The following KDM4B variants were observed in gnomAD, a reference collection of about 807,000 sequenced individuals.
KDM4B encodes the protein lysine demethylase 4B, also known as lysine-specific demethylase 4B.
In KDM4B, 32 loss-of-function variants were observed where a neutral mutation model predicts 125.2. The ratio of observed to expected loss-of-function variants is 0.26; its 90% CI spans 0.19 to 0.34. The LOEUF is 0.34. KDM4B is among the 10% of genes least tolerant of loss of function. The probability of loss-of-function intolerance (pLI) is 1.00; values close to 1 mark genes in which losing one functional copy is unlikely to be tolerated. For missense variants in KDM4B, 1,190 were observed against 1,577.7 expected, an observed-to-expected ratio of 0.75 and a Z score of 4.16; for synonymous variants, 721 against 677.9, an observed-to-expected ratio of 1.06 and a Z score of -0.99.
At chr19:5,080,518 C>A (rs1161521535) in intron 8 of KDM4B, among the ~76,000 whole-genome samples, 4 of 152,264 alleles carry the variant, frequency 2.6e-5, no homozygotes, top group Non-Finnish European at 5.9e-5. Context: ...GAGACACCGC[C>A]AGCCCCAGGA....
chr19:5,077,119 G>A, intron 7 of KDM4B: 1 of 556,894 alleles, frequency 1.8e-6, no homozygotes, highest in Non-Finnish European at 3.2e-6. Flanking sequence ...AGGCCAGAGG[G>A]TGTCACCACT....
intron 6 of KDM4B, among the ~76,000 whole-genome samples, chr19:5,051,540 G>A (rs1357641043): frequency 6.6e-6 from 1 of 152,252 alleles, no homozygotes; most frequent in Non-Finnish European, 1.5e-5. Flanking sequence ...CGAGGACGTC[G>A]TGAGCTGATG....
rs368128396 is a variant in KDM4B, at chr19:5,137,250, G to A, written c.2309-12G>A. On this transcript the variant is annotated splice_polypyrimidine_tract_variant and intron_variant, in intron 15 of 22. Coordinates refer to ENST00000159111, the MANE Select transcript of KDM4B (RefSeq NM_015015.3). ...GCCCCCCAGATCTCAGCCAGCCCCC[G>A]CTGTCTTCCAGGTTGCTATGGCATC... 1.4e-5 allele frequency: 22 copies of A among 1,559,460 alleles called. No individual in the cohort carries two copies. The highest frequency in any genetic ancestry group is 3.8e-5 in the Admixed American group (2 of 52,178).
At chr19:5,119,434 G>A (rs1000869075) in intron 10 of KDM4B, among the ~76,000 whole-genome samples, 8 of 152,068 alleles carry the variant, frequency 5.3e-5, no homozygotes, top group Non-Finnish European at 7.4e-5. Context: ...CCATTGCCCC[G>A]TCTCCCTTTG....
In KDM4B at chr19:5,131,436, C is replaced by T. The variant is rs374859081; in HGVS notation, c.1676C>T (p.Pro559Leu). Reference protein sequence around the residue: ...QAFEHFAQKGPTWKEPVSPME... With the variant: ...QAFEHFAQKGLTWKEPVSPME... ...TTTGAGCACTTTGCCCAGAAGGGTCCGACCTGGAAGGAACCAGTTTCCCCC... is the reference window on the plus strand; with the variant it reads ...TTTGAGCACTTTGCCCAGAAGGGTCTGACCTGGAAGGAACCAGTTTCCCCC... The change falls in exon 12 of 23, where the codon CCG becomes CTG. Residue 559 changes from proline to leucine, a missense_variant. Physicochemically the swap from Pro to Leu is moderately conservative, Grantham distance 98 (BLOSUM62 -3). Around this residue, in one of 7 missense-constraint regions of KDM4B, gnomAD observed 428 missense variants for 405.1 expected, o/e 1.06. Coordinates refer to ENST00000159111, the MANE Select transcript of KDM4B (RefSeq NM_015015.3). 1.9e-4 allele frequency: 311 copies of T among 1,609,826 alleles called. 2 individuals carry two copies. The South Asian group carries it at 2.1e-3, about 11-fold the overall frequency.
intron 3 of KDM4B, among the ~76,000 whole-genome samples, chr19:5,033,730 C>G (rs2036530232): frequency 6.6e-6 from 1 of 152,226 alleles, no homozygotes; most frequent in Non-Finnish European, 1.5e-5. Context: ...TCCCTGGAAG[C>G]AGCACTGTTA....
At chr19:5,060,914 G>T (rs2145775033) in intron 6 of KDM4B, among the ~76,000 whole-genome samples, 1 of 152,328 alleles carries the variant, frequency 6.6e-6, no homozygotes, top group East Asian at 1.9e-4. Context: ...AGTAATTTGT[G>T]GGCCTAAAAT....
chr19:5,139,538 A>C (rs8182461), intron 18 of KDM4B, among the ~76,000 whole-genome samples: 1 of 151,964 alleles, frequency 6.6e-6, no homozygotes, highest in Non-Finnish European at 1.5e-5. Context: ...TCCCATCCGC[A>C]CCCCCCGGGT....
intron 6 of KDM4B, among the ~76,000 whole-genome samples, chr19:5,057,071 C>CGCGT (rs1555701563): frequency 1.5e-5 from 2 of 136,608 alleles, no homozygotes; most frequent in Non-Finnish European, 3.1e-5. Context: ...TGTGTGCGCG[C>CGCGT]GCGCGCGTAT....
chr19:5,070,753 GCTTT>G (rs1008740567), intron 6 of KDM4B: 21 of 417,142 alleles, frequency 5.0e-5, no homozygotes, highest in African/African-American at 4.3e-4. Flanking sequence ...CCCACTCCTG[GCTTT>G]CTGAGTGTGT....
At chr19:5,083,204 CGCCACGTACA>C (rs2038358564) in intron 9 of KDM4B, among the ~76,000 whole-genome samples, 1 of 152,220 alleles carries the variant, frequency 6.6e-6, no homozygotes, top group African/African-American at 2.4e-5. Flanking sequence ...ACTCTCCTAA[CGCCACGTACA>C]GCCATCTGTG....
In KDM4B at chr19:5,010,100, G is replaced by T. The variant is rs375460931; in HGVS notation, c.-108-6157G>T. 7.9e-5 allele frequency among the ~76,000 whole-genome samples: 12 copies of T among 152,220 alleles called. No individual in the cohort carries two copies. In the East Asian group the frequency reaches 2.3e-3, roughly 29 times the overall value. The stretch of plus-strand genomic sequence containing the variant: ...TGTCCCTTTCCTGGTCTAGGACCTC[G>T]TCCAGGACCCCACTCACCATTTAGT... On this transcript the variant is annotated intron_variant, in intron 1 of 22. Transcript: ENST00000159111.
At chr19:4,982,760 G>T (rs879855754) in intron 1 of KDM4B, among the ~76,000 whole-genome samples, 1 of 151,846 alleles carries the variant, frequency 6.6e-6, no homozygotes, top group African/African-American at 2.4e-5. Context: ...CTACAGGCGC[G>T]TGCCACCACA....
intron 21 of KDM4B, 50 bp downstream of exon 21, chr19:5,144,952 G>C (rs80337736): frequency 0.039 from 63,160 of 1,610,262 alleles, 1,501 homozygotes; most frequent in Non-Finnish European, 0.048. Context: ...AGCTCTTCTT[G>C]TAGGTGCGGG....
At chr19:5,025,861 A>T (rs1267319480) in intron 2 of KDM4B, among the ~76,000 whole-genome samples, 3 of 151,648 alleles carry the variant, frequency 2.0e-5, no homozygotes, top group African/African-American at 4.8e-5. Flanking sequence ...CCTTTTTTTT[A>T]AATTTATTTA....
At chr19:5,077,743 C>T (rs536610418) in intron 8 of KDM4B, 1 of 435,364 alleles carries the variant, frequency 2.3e-6, no homozygotes, top group African/African-American at 2.0e-5. Context: ...ATCAGAGGCC[C>T]CTCCGCAGGG....
At chr19:5,138,386 G>A (rs1222156913) in intron 18 of KDM4B, 1 of 352,484 alleles carries the variant, frequency 2.8e-6, no homozygotes, top group Non-Finnish European at 5.2e-6. Flanking sequence ...TCCCACAAAA[G>A]CAGAGGCACC....
chr19:5,149,569 C>CT (rs2146121094), intron 21 of KDM4B, among the ~76,000 whole-genome samples: 1 of 152,350 alleles, frequency 6.6e-6, no homozygotes, highest in African/African-American at 2.4e-5. Flanking sequence ...ACCCCAGCAC[C>CT]TTTCCTGGCT....
intron 22 of KDM4B, 108 bp downstream of exon 22, chr19:5,150,558 T>C (rs1419735004): frequency 1.3e-6 from 1 of 750,698 alleles, no homozygotes; most frequent in Non-Finnish European, 2.2e-6. Flanking sequence ...CCCCCTCCTC[T>C]TGCACCTCTG....
Sources: allele counts gnomAD v4.1 joint callset (sites outside exome capture counted in the v4.1 genomes callset), GRCh38; gene constraint gnomAD v4.1.1; regional missense constraint gnomAD v4.1.1; transcripts MANE v1.5; gene names NCBI Gene and HGNC (gene_info 2026-07-23, HGNC 2026-07-21).